Variants in PTPRQ observed in about 807,000 individuals in gnomAD.
The protein encoded by PTPRQ is phosphatidylinositol phosphatase PTPRQ.
PTPRQ carries 199 observed loss-of-function variants against 246.0 expected under a neutral mutation model. The observed-to-expected ratio is 0.81, with a 90% CI of 0.72 to 0.91. PTPRQ has a LOEUF of 0.91. Among genes scored for constraint, PTPRQ ranks in the 40% least tolerant of loss-of-function variants. The probability of loss-of-function intolerance (pLI) is 0.00; values close to 1 mark genes in which losing one functional copy is unlikely to be tolerated. For missense variants in PTPRQ, 2,624 were observed against 2,528.4 expected (o/e 1.04, Z -0.81); for synonymous variants, 869 against 853.2 (o/e 1.02, Z -0.32).
intron 3 of PTPRQ, among the ~76,000 whole-genome samples, chr12:80,447,479 A>G (rs977276614): frequency 6.6e-6 from 1 of 151,970 alleles, no homozygotes; most frequent in Admixed American, 6.6e-5. Flanking sequence ...TGCCTAGTCC[A>G]ATATCCAGAA....
intron 43 of PTPRQ, among the ~76,000 whole-genome samples, chr12:80,676,273 A>C (rs61951085): frequency 0.016 from 2,479 of 152,298 alleles, 32 homozygotes; most frequent in South Asian, 0.058. Context: ...AACTTCAGCA[A>C]TATACTGCCA....
chr12:80,627,432 G>A (rs1002844427), intron 33 of PTPRQ, among the ~76,000 whole-genome samples: 8 of 150,958 alleles, frequency 5.3e-5, no homozygotes, highest in African/African-American at 1.5e-4. Flanking sequence ...AGAAGAAGGA[G>A]AGGGAGAAAT....
intron 27 of PTPRQ, among the ~76,000 whole-genome samples, chr12:80,607,431 TTTCCTTCCTTCC>T (rs57625204): frequency 6.5e-5 from 9 of 139,296 alleles, no homozygotes; most frequent in Non-Finnish European, 1.1e-4. Context: ...AGTAGAGGTA[TTTCCTTCCTTCC>T]TTCCTTCCTT....
intron 10 of PTPRQ, among the ~76,000 whole-genome samples, chr12:80,493,821 G>A (rs1216859745): frequency 3.9e-5 from 6 of 151,980 alleles, no homozygotes; most frequent in Non-Finnish European, 5.9e-5. Flanking sequence ...GTTTTCAAGT[G>A]TCACTAAAGG....
intron 26 of PTPRQ, among the ~76,000 whole-genome samples, chr12:80,598,206 C>G (rs1335745563): frequency 2.0e-5 from 3 of 151,780 alleles, no homozygotes; most frequent in African/African-American, 2.4e-5. Flanking sequence ...TGTGCTATAC[C>G]CTCTGCAGCA....
chr12:80,494,812 C>T, intron 10 of PTPRQ, 121 bp from the exon 11 acceptor site: 1 of 954,466 alleles, frequency 1.0e-6, no homozygotes. Flanking sequence ...TAGAGGTGTG[C>T]ATGGAGAGAT....
chr12:80,537,936 TG>T (rs1465513703), intron 19 of PTPRQ, among the ~76,000 whole-genome samples: 1 of 151,946 alleles, frequency 6.6e-6, no homozygotes, highest in African/African-American at 2.4e-5. Flanking sequence ...GGTGAAACCC[TG>T]TCTCTACTAA....
chr12:80,475,082 T>C (rs1288356603), intron 8 of PTPRQ, among the ~76,000 whole-genome samples: 1 of 152,186 alleles, frequency 6.6e-6, no homozygotes, highest in Non-Finnish European at 1.5e-5. Context: ...GATCTTAATG[T>C]ATTTTCTTTT....
rs1163318954 is a variant in PTPRQ at position 80,541,597 on chromosome 12, C to A, written c.3197C>A (p.Ser1066Ter). The change falls in exon 21 of 45, where the codon TCG (serine) becomes TAG (stop). Residue 1066 changes from serine (S) to a stop codon, truncating the protein, a stop_gained. Transcript: ENST00000644991. LOFTEE classifies it high-confidence loss of function. ...FVGNLTYESI[S>*]STAINVSWVP... ...GGAAACCTGACTTACGAATCCATTT[C>A]GTCAACTGCAATAAATGTAAGCTGG... 1.9e-6 allele frequency: 3 copies of A among 1,539,320 alleles called. No individual in the cohort carries two copies. The highest frequency in any genetic ancestry group is 2.5e-5 in the South Asian group (2 of 81,554).
intron 33 of PTPRQ, among the ~76,000 whole-genome samples, chr12:80,631,190 G>A (rs1436796237): frequency 6.6e-6 from 1 of 151,896 alleles, no homozygotes; most frequent in Non-Finnish European, 1.5e-5. Context: ...GAATATTTAG[G>A]CCAAGGAGAT....
rs531718311 is a variant in PTPRQ, at chr12:80,446,120, G to T, written c.390+403G>T. On this transcript the variant is annotated intron_variant, in intron 3 of 44. Coordinates refer to ENST00000644991, the MANE Select transcript of PTPRQ (RefSeq NM_001145026.2). ...TTACACAGTTATTAAAAATTGACTT[G>T]CAAACTTTATTCTCCAAATTCCTAG... is the stretch of plus-strand genomic sequence containing the variant. Among the ~76,000 whole-genome samples the T allele has an allele frequency of 3.7e-3, 555 of 151,698 alleles. 2 individuals are homozygous for T. The highest frequency in any genetic ancestry group is 5.8e-3 in the Non-Finnish European group (394 of 67,832).
intron 14 of PTPRQ, among the ~76,000 whole-genome samples, chr12:80,498,327 CA>C (rs1297697162): frequency 6.6e-6 from 1 of 151,972 alleles, no homozygotes; most frequent in East Asian, 1.9e-4. Flanking sequence ...TAAACTAAAG[CA>C]ATACATTATT....
chr12:80,538,062 T>C (rs1386146979), intron 19 of PTPRQ, among the ~76,000 whole-genome samples: 2 of 152,034 alleles, frequency 1.3e-5, no homozygotes, highest in Non-Finnish European at 2.9e-5. Flanking sequence ...TGAGCCGAGA[T>C]CGTGCCACTG....
chr12:80,555,510 A>G (rs1265203666), intron 25 of PTPRQ, among the ~76,000 whole-genome samples: 1 of 152,192 alleles, frequency 6.6e-6, no homozygotes, highest in Non-Finnish European at 1.5e-5. Context: ...TTTCCTTTGT[A>G]TCCTACTTAC....
intron 14 of PTPRQ, among the ~76,000 whole-genome samples, chr12:80,497,784 C>T (rs547750236): frequency 3.9e-5 from 6 of 152,054 alleles, no homozygotes; most frequent in South Asian, 2.1e-4. Context: ...TTTAATTGTA[C>T]GTTTAAAACA....
At chr12:80,470,699 TAG>T (rs1893597043) in intron 7 of PTPRQ, among the ~76,000 whole-genome samples, 2 of 152,030 alleles carry the variant, frequency 1.3e-5, no homozygotes, top group Admixed American at 1.3e-4. Flanking sequence ...TGAAGATGGG[TAG>T]AGTGGAAATC....
chr12:80,482,134 G>T (rs1405615706), intron 8 of PTPRQ, among the ~76,000 whole-genome samples: 8 of 151,918 alleles, frequency 5.3e-5, no homozygotes, highest in African/African-American at 9.7e-5. Context: ...ATACTACAAG[G>T]CTACAGTAAC....
intron 13 of PTPRQ, 28 bp from the exon 14 acceptor site, chr12:80,496,222 T>C: frequency 3.2e-6 from 5 of 1,542,564 alleles, no homozygotes; most frequent in Non-Finnish European, 4.4e-6. Flanking sequence ...AAAATATAGG[T>C]ACTACAAATG....
intron 26 of PTPRQ, among the ~76,000 whole-genome samples, chr12:80,595,097 C>T (rs1234984937): frequency 6.6e-6 from 1 of 152,126 alleles, no homozygotes; most frequent in East Asian, 1.9e-4. Flanking sequence ...TTTCTTTCCT[C>T]CTCTTCTGGT....
Sources: allele counts gnomAD v4.1 joint callset (sites outside exome capture counted in the v4.1 genomes callset), GRCh38; gene constraint gnomAD v4.1.1; transcripts MANE v1.5; gene names NCBI Gene and HGNC (gene_info 2026-07-23, HGNC 2026-07-21).